Variants in ACLY observed in about 807,000 individuals in gnomAD.
ACLY encodes ATP-citrate synthase.
Under a neutral mutation model 133.0 loss-of-function variants are expected in ACLY, and 41 were observed. The observed-to-expected ratio is 0.31, with a 90% confidence interval of 0.24 to 0.40. The LOEUF is 0.40. Ranked by LOEUF, ACLY falls within the 10% of genes least tolerant of loss-of-function variation. The pLI is 1.00. For missense variants in ACLY, 1,046 were observed against 1,453.8 expected, an observed-to-expected ratio of 0.72 and a Z score of 4.56; for synonymous variants, 495 against 549.3, an observed-to-expected ratio of 0.90 and a Z score of 1.38.
intron 22 of ACLY, among the ~76,000 whole-genome samples, chr17:41,875,456 C>A (rs1416560009): frequency 3.3e-5 from 5 of 151,532 alleles, no homozygotes; most frequent in Non-Finnish European, 5.9e-5. Context: ...CCACGGTCTC[C>A]CTCTCCCTCT....
chr17:41,926,027 T>C (rs1555635928), intron 1 of ACLY, among the ~76,000 whole-genome samples: 1 of 151,956 alleles, frequency 6.6e-6, no homozygotes, highest in African/African-American at 2.4e-5. Flanking sequence ...GTATTTTTGG[T>C]AGAGATGGGG....
At chr17:41,928,332 T>C (rs781943279) in intron 1 of ACLY, among the ~76,000 whole-genome samples, 1 of 152,188 alleles carries the variant, frequency 6.6e-6, no homozygotes, top group African/African-American at 2.4e-5. Flanking sequence ...GGCAACTTCA[T>C]TGAACATCAA....
chr17:41,925,028 TTTATTATTA>T (rs149814936), intron 1 of ACLY, among the ~76,000 whole-genome samples: 47 of 149,414 alleles, frequency 3.1e-4, no homozygotes, highest in African/African-American at 1.2e-3. Context: ...TCTGAATGAG[TTTATTATTA>T]TTATTATTAT....
intron 22 of ACLY, among the ~76,000 whole-genome samples, chr17:41,875,811 G>C (rs1439953112): frequency 6.6e-6 from 1 of 152,176 alleles, no homozygotes; most frequent in African/African-American, 2.4e-5. Flanking sequence ...CCTCCCGGCC[G>C]CCTGCCTTGG....
intron 16 of ACLY, 28 bp downstream of exon 16, chr17:41,892,251 C>T (rs781866299): frequency 1.8e-5 from 5 of 279,872 alleles, no homozygotes; most frequent in Non-Finnish European, 3.0e-5. Context: ...GGTCCCCACC[C>T]CCCACCCTCC....
upstream of ACLY, chr17:41,930,545 T>A: frequency 1.8e-6 from 1 of 565,318 alleles, no homozygotes. Flanking sequence ...GCGGCAGAAC[T>A]GGCGCAAGCG....
chr17:41,908,716 A>G lies in ACLY; in HGVS notation c.616+273T>C, dbSNP rs2049800853. Among the ~76,000 whole-genome samples the G allele has an allele frequency of 2.0e-5, 3 of 152,196 alleles. No homozygotes were observed. In the South Asian group the frequency reaches 6.2e-4, roughly 32 times the overall value. ...GAGGCGGAGATTGCAGTGAGCTGAG[A>G]TTGTGCCACTGTACTCCAGCCTGGG... is the stretch of plus-strand genomic sequence containing the variant. On this transcript the variant is annotated intron_variant, in intron 6 of 28. Transcript: ENST00000352035.
upstream of ACLY, among the ~76,000 whole-genome samples, chr17:41,919,403 C>G (rs1211985247): frequency 1.3e-5 from 2 of 152,228 alleles, no homozygotes; most frequent in Non-Finnish European, 2.9e-5. Context: ...ACGTCTGCAT[C>G]TCGGCCGCAC....
chr17:41,903,890 C>T (rs1039115368), intron 10 of ACLY, among the ~76,000 whole-genome samples: 4 of 149,866 alleles, frequency 2.7e-5, no homozygotes, highest in East Asian at 4.0e-4. Flanking sequence ...TAGGCTAAGG[C>T]GGGTGGATCA....
chr17:41,930,170 C>T (rs181693133), intron 1 of ACLY, among the ~76,000 whole-genome samples: 2 of 152,352 alleles, frequency 1.3e-5, no homozygotes, highest in Admixed American at 1.3e-4. Context: ...CAAATCCTCG[C>T]ATCCCTGAGT....
chr17:41,885,712 G>T (rs1267536839), intron 18 of ACLY, among the ~76,000 whole-genome samples: 2 of 152,144 alleles, frequency 1.3e-5, no homozygotes, highest in Non-Finnish European at 1.5e-5. Context: ...GTGTAAAAAT[G>T]ATGGAGGTCT....
chr17:41,913,243 A>G (rs2049955326), intron 2 of ACLY, among the ~76,000 whole-genome samples: 1 of 152,146 alleles, frequency 6.6e-6, no homozygotes. Flanking sequence ...GTACAACATC[A>G]CACTTCCTAA....
At chr17:41,880,019 C>T (rs899717674) in intron 20 of ACLY, among the ~76,000 whole-genome samples, 13 of 152,090 alleles carry the variant, frequency 8.5e-5, no homozygotes, top group African/African-American at 2.9e-4. Context: ...CATGAGCCAG[C>T]GCGCCCAGCG....
chr17:41,894,633 C>T (rs991105495), intron 14 of ACLY, among the ~76,000 whole-genome samples: 4 of 151,300 alleles, frequency 2.6e-5, no homozygotes, highest in African/African-American at 9.7e-5. Flanking sequence ...ATATCTCATG[C>T]ACCCCTACTA....
At chr17:41,919,538 A>C (rs1196830676), upstream of ACLY, among the ~76,000 whole-genome samples, 6 of 152,210 alleles carry the variant, frequency 3.9e-5, no homozygotes, top group African/African-American at 1.2e-4. Context: ...GGCTGAGCCG[A>C]GGCTAACAGA....
chr17:41,923,601 C>G (rs781889801), upstream of ACLY, among the ~76,000 whole-genome samples: 7 of 152,164 alleles, frequency 4.6e-5, no homozygotes, highest in Non-Finnish European at 8.8e-5. Context: ...AACCCAAGGC[C>G]TAGGAGAGTG....
intron 10 of ACLY, chr17:41,904,528 C>A: frequency 1.7e-6 from 1 of 586,932 alleles, no homozygotes; most frequent in Non-Finnish European, 3.0e-6. Context: ...CAGCTGCTTG[C>A]CCAGAGACAC....
chr17:41,889,563 G>C (rs1486723386), intron 16 of ACLY, among the ~76,000 whole-genome samples: 4 of 44,496 alleles, frequency 9.0e-5, no homozygotes, highest in Non-Finnish European at 2.0e-4. Context: ...AAAAGAAGTA[G>C]CTCATTTTCA....
At chr17:41,903,860 C>A (rs1555632079) in intron 10 of ACLY, among the ~76,000 whole-genome samples, 1 of 149,898 alleles carries the variant, frequency 6.7e-6, no homozygotes, top group Non-Finnish European at 1.5e-5. Context: ...TGGTTCACAC[C>A]TGTAATACCA....
Sources: allele counts gnomAD v4.1 joint callset (sites outside exome capture counted in the v4.1 genomes callset), GRCh38; gene constraint gnomAD v4.1.1; transcripts MANE v1.5; gene names NCBI Gene and HGNC (gene_info 2026-07-23, HGNC 2026-07-21).